BAZ2B: variants seen among roughly 807,000 people sequenced by gnomAD.
BAZ2B encodes bromodomain adjacent to zinc finger domain protein 2B.
BAZ2B carries 91 observed loss-of-function variants against 246.0 expected under a neutral mutation model. The observed-to-expected ratio is 0.37, with a 90% CI of 0.31 to 0.44. The LOEUF is 0.44. BAZ2B is among the 20% of genes least tolerant of loss of function. BAZ2B has a pLI of 1.00. For synonymous variants in BAZ2B, 855 were observed against 860.0 expected, an observed-to-expected ratio of 0.99 and a Z score of 0.10; for missense variants, 2,332 against 2,533.7, an observed-to-expected ratio of 0.92 and a Z score of 1.71.
chr2:159,518,752 CA>C (rs2083716748), intron 2 of BAZ2B, among the ~76,000 whole-genome samples: 1 of 152,084 alleles, frequency 6.6e-6, no homozygotes, highest in Non-Finnish European at 1.5e-5. Context: ...GATGAAAACA[CA>C]AGGTAAAGCT....
At chr2:159,567,147 G>T (rs945832431) in intron 1 of BAZ2B, among the ~76,000 whole-genome samples, 2 of 152,088 alleles carry the variant, frequency 1.3e-5, no homozygotes, top group Non-Finnish European at 2.9e-5. Context: ...GGAGGCTGAC[G>T]CAGGAGAATC....
chr2:159,378,581 A>ATAAG (rs60583259), intron 25 of BAZ2B, among the ~76,000 whole-genome samples: 2,443 of 152,320 alleles, frequency 0.016, 80 homozygotes, highest in African/African-American at 0.056. Context: ...TCTAAAATAT[A>ATAAG]TAACTCTTAC....
chr2:159,434,074 A>T (rs2071668811), intron 8 of BAZ2B: 1 of 152,202 alleles, frequency 6.6e-6, no homozygotes, highest in African/African-American at 2.4e-5. Context: ...CTCAGCATCA[A>T]GGGATTATTG....
chr2:159,548,488 T>C (rs1036379307), intron 2 of BAZ2B, among the ~76,000 whole-genome samples: 3 of 151,626 alleles, frequency 2.0e-5, no homozygotes, highest in Non-Finnish European at 4.4e-5. Flanking sequence ...AAGTCTCAGT[T>C]TGGGCATCTG....
rs142312199 is a variant in BAZ2B, at chr2:159,604,645, T to C, written c.-46+11597A>G. 8.5e-4 allele frequency among the ~76,000 whole-genome samples: 129 copies of C among 152,300 alleles called. No individual in the cohort carries two copies. In the Middle Eastern group the frequency reaches 0.044, roughly 52 times the overall value. Reference sequence around the variant, plus strand: ...ATTACAACCAAAACATGACAATGCTTTAAAAAATTGACCTTTAGTTATCTA... The same window carrying C: ...ATTACAACCAAAACATGACAATGCTCTAAAAAATTGACCTTTAGTTATCTA... On this transcript the variant is annotated intron_variant, in intron 1 of 36. Transcript: ENST00000392783.
At chr2:159,639,159 C>T in the BAZ2B span, among the ~76,000 whole-genome samples, 1 of 151,976 alleles carries the variant, frequency 6.6e-6, no homozygotes, top group Non-Finnish European at 1.5e-5. Flanking sequence ...ACAAAAACCA[C>T]TTTTACCCTA....
intron 1 of BAZ2B, among the ~76,000 whole-genome samples, chr2:159,563,915 G>T (rs970175870): frequency 6.6e-6 from 1 of 152,102 alleles, no homozygotes; most frequent in Non-Finnish European, 1.5e-5. Context: ...GACATGAATC[G>T]AATAATTCTT....
rs2071454780 is a variant in BAZ2B, at chr2:159,433,120, T to C, written c.1537A>G (p.Thr513Ala). The C allele has an allele frequency of 1.2e-6, 2 of 1,614,156 alleles. No individual in the cohort carries two copies. The highest frequency in any genetic ancestry group is 1.7e-6 in the Non-Finnish European group (2 of 1,180,028). ...QEAPLALTTK[T>A]KMQSKINENI... ...TCATTAATCTTGCTCTGCATTTTAG[T>C]TTTGGTAGTAAGTGCTAGAGGAGCT... The change falls in exon 9 of 37, where the codon ACT (threonine) becomes GCT (alanine). Residue 513 changes from threonine to alanine, a missense_variant. Thr to Ala is a moderately conservative substitution (Grantham distance 58). Around this residue, in one of 9 missense-constraint regions of BAZ2B, gnomAD observed 651 missense variants for 650.9 expected, o/e 1.00. Transcript: ENST00000392783.
chr2:159,574,907 C>T (rs1684933064), intron 1 of BAZ2B, among the ~76,000 whole-genome samples: 1 of 151,550 alleles, frequency 6.6e-6, no homozygotes. Flanking sequence ...GAGGCGGAGG[C>T]TGCAGTGAGC....
chr2:159,666,654 G>A, the BAZ2B span, among the ~76,000 whole-genome samples: 20 of 152,178 alleles, frequency 1.3e-4, no homozygotes, highest in African/African-American at 4.8e-4. Flanking sequence ...TCAGGGGTTC[G>A]AGACCAGCCT....
intron 27 of BAZ2B, among the ~76,000 whole-genome samples, chr2:159,370,352 C>T (rs1389359886): frequency 1.4e-5 from 2 of 146,448 alleles, no homozygotes; most frequent in African/African-American, 5.0e-5. Flanking sequence ...AAAAACTGCT[C>T]TTAAGTCTCC....
chr2:159,431,479 T>C (rs1402971513), intron 9 of BAZ2B, among the ~76,000 whole-genome samples: 1 of 152,192 alleles, frequency 6.6e-6, no homozygotes, highest in Non-Finnish European at 1.5e-5. Context: ...GGGGATTAAA[T>C]TGACTGTTCA....
intron 23 of BAZ2B, 70 bp downstream of exon 23, chr2:159,385,085 A>G: frequency 6.8e-7 from 1 of 1,467,610 alleles, no homozygotes; most frequent in Non-Finnish European, 9.4e-7. Context: ...TCTATAATCA[A>G]TTTGTATTAC....
intron 3 of BAZ2B, chr2:159,460,890 C>T (rs62173213): frequency 0.075 from 11,359 of 152,222 alleles, 565 homozygotes; most frequent in Middle Eastern, 0.16. Flanking sequence ...TTCACTCTTG[C>T]ATTCTAAAAA....
upstream of BAZ2B, chr2:159,616,903 A>G (rs1452775025): frequency 1.3e-5 from 2 of 152,142 alleles, no homozygotes; most frequent in African/African-American, 4.8e-5. Context: ...TTTTGTTCCT[A>G]AACTCAGAAT....
the BAZ2B span, among the ~76,000 whole-genome samples, chr2:159,671,395 G>A: frequency 6.6e-6 from 1 of 152,066 alleles, no homozygotes; most frequent in Non-Finnish European, 1.5e-5. Flanking sequence ...GTAGCTATAC[G>A]GGACATAAAT....
intron 20 of BAZ2B, among the ~76,000 whole-genome samples, chr2:159,392,589 T>C (rs1206419385): frequency 2.0e-5 from 3 of 152,218 alleles, no homozygotes; most frequent in South Asian, 2.1e-4. Context: ...TTTTAATGAG[T>C]TTATCTTTCT....
the BAZ2B span, among the ~76,000 whole-genome samples, chr2:159,651,479 G>A: frequency 3.0e-3 from 451 of 152,278 alleles, no homozygotes; most frequent in Non-Finnish European, 4.9e-3. Flanking sequence ...TGGCAGTAGT[G>A]TAGGTTTTCA....
intron 26 of BAZ2B, 128 bp from the exon 27 acceptor site, chr2:159,373,317 G>T (rs1221542679): frequency 2.9e-6 from 2 of 700,150 alleles, no homozygotes; most frequent in Non-Finnish European, 2.1e-6. Flanking sequence ...AGAGCAAAAG[G>T]TCTAAATATT....
Sources: gnomAD v4.1 joint callset for allele counts (sites outside exome capture counted in the v4.1 genomes callset) on GRCh38, gnomAD v4.1.1 for gene constraint, gnomAD v4.1.1 regional missense constraint, MANE v1.5 for transcripts, NCBI Gene and HGNC (gene_info 2026-07-23, HGNC 2026-07-21) for gene names.